Variants in LRP1B observed in about 807,000 individuals in gnomAD.
LRP1B encodes the protein LDL receptor related protein 1B.
A neutral mutation model predicts 556.6 loss-of-function variants in LRP1B; 217 were observed. The observed-to-expected ratio is 0.39, with a 90% CI of 0.35 to 0.44. LRP1B has a LOEUF of 0.44. LRP1B is among the 20% of genes least tolerant of loss of function. The pLI is 1.00. For synonymous variants in LRP1B, 2,047 were observed against 1,865.8 expected (o/e 1.10, Z -2.50); for missense variants, 5,053 against 5,620.8 (o/e 0.90, Z 3.23).
At chr2:142,127,442 A>C (rs13392919) in intron 1 of LRP1B, among the ~76,000 whole-genome samples, 13,132 of 151,732 alleles carry the variant, frequency 0.087, 656 homozygotes, top group Non-Finnish European at 0.11. Flanking sequence ...GCTTTCTCTT[A>C]ACTCCATTTT....
At chr2:141,617,668 C>T (rs62166514) in intron 2 of LRP1B, among the ~76,000 whole-genome samples, 2 of 152,090 alleles carry the variant, frequency 1.3e-5, no homozygotes, top group African/African-American at 4.8e-5. Context: ...CAAAGCAAAT[C>T]TTTCTACAAT....
intron 1 of LRP1B, among the ~76,000 whole-genome samples, chr2:142,086,529 C>T (rs1466753178): frequency 6.6e-6 from 1 of 151,674 alleles, no homozygotes; most frequent in African/African-American, 2.4e-5. Flanking sequence ...CGTTTGAACC[C>T]GGGAGGCGGG....
intron 1 of LRP1B, among the ~76,000 whole-genome samples, chr2:142,056,004 A>G (rs1048757856): frequency 5.9e-5 from 9 of 152,126 alleles, no homozygotes; most frequent in Non-Finnish European, 1.0e-4. Flanking sequence ...TACAAAAATT[A>G]GCTGGGCGTG....
In LRP1B at chr2:140,781,046, G is replaced by A. The variant is rs940715390; in HGVS notation, c.5360-4808C>T. On this transcript the variant is annotated intron_variant, in intron 32 of 90. Coordinates refer to ENST00000389484, the MANE Select transcript of LRP1B (RefSeq NM_018557.3). ...TGGGTGGGTAGGGCTTCTAAGAGTA[G>A]CACAAAACCACACTCTGTTCACACA... Among the ~76,000 whole-genome samples the A allele has an allele frequency of 3.9e-5, 6 of 152,148 alleles. No homozygotes were observed. In the South Asian group the frequency reaches 8.3e-4, roughly 21 times the overall value.
chr2:141,120,699 G>T, intron 7 of LRP1B, among the ~76,000 whole-genome samples: 1 of 151,802 alleles, frequency 6.6e-6, no homozygotes, highest in East Asian at 1.9e-4. Flanking sequence ...TCTAAAGTAG[G>T]TCTAACATTT....
At chr2:140,241,236 G>T (rs1275558670) in intron 87 of LRP1B, among the ~76,000 whole-genome samples, 2 of 150,864 alleles carry the variant, frequency 1.3e-5, no homozygotes, top group Admixed American at 6.6e-5. Context: ...TAATGAAAGA[G>T]AATCTGGCAG....
chr2:140,756,270 C>A (rs777897672), intron 35 of LRP1B, among the ~76,000 whole-genome samples: 4 of 152,004 alleles, frequency 2.6e-5, no homozygotes, highest in Non-Finnish European at 5.9e-5. Context: ...TTGTTTTCTA[C>A]AGCTTCCTCA....
At chr2:141,213,055 A>C (rs1682636741) in intron 6 of LRP1B, among the ~76,000 whole-genome samples, 1 of 151,466 alleles carries the variant, frequency 6.6e-6, no homozygotes, top group Non-Finnish European at 1.5e-5. Context: ...CAGCCTCAAC[A>C]TCCCTGGCTC....
intron 2 of LRP1B, among the ~76,000 whole-genome samples, chr2:141,529,757 C>T (rs1684807301): frequency 6.6e-6 from 1 of 152,094 alleles, no homozygotes; most frequent in Non-Finnish European, 1.5e-5. Context: ...AAAAACTTCT[C>T]TACATAAAGG....
chr2:142,025,240 T>C (rs1703465656), intron 1 of LRP1B, among the ~76,000 whole-genome samples: 3 of 152,164 alleles, frequency 2.0e-5, no homozygotes, highest in Admixed American at 2.0e-4. Flanking sequence ...TATTTCAATC[T>C]GTAGTTGTAT....
chr2:140,925,217 G>A (rs1694852543), intron 20 of LRP1B, among the ~76,000 whole-genome samples: 2 of 152,086 alleles, frequency 1.3e-5, no homozygotes, highest in South Asian at 2.1e-4. Flanking sequence ...TGTATATGGA[G>A]GAATGACTGT....
At chr2:140,838,993 G>A (rs2105092806) in intron 31 of LRP1B, among the ~76,000 whole-genome samples, 1 of 152,234 alleles carries the variant, frequency 6.6e-6, no homozygotes, top group African/African-American at 2.4e-5. Flanking sequence ...CGTTATAGCT[G>A]ATGATTTGCA....
At chr2:140,982,708 G>A (rs995902059) in intron 17 of LRP1B, among the ~76,000 whole-genome samples, 1 of 152,148 alleles carries the variant, frequency 6.6e-6, no homozygotes, top group Non-Finnish European at 1.5e-5. Flanking sequence ...ATTTGGAGAC[G>A]ATCTCAGGAT....
At chr2:141,974,142 T>C (rs1446697399) in intron 1 of LRP1B, among the ~76,000 whole-genome samples, 1 of 151,980 alleles carries the variant, frequency 6.6e-6, no homozygotes, top group Admixed American at 6.6e-5. Context: ...CCTTTATAAT[T>C]AGGAGCTTCC....
chr2:141,118,515 T>C (rs2104988976), intron 7 of LRP1B, among the ~76,000 whole-genome samples: 1 of 152,094 alleles, frequency 6.6e-6, no homozygotes, highest in African/African-American at 2.4e-5. Context: ...CTATGGACCA[T>C]ATGAAATGTA....
At chr2:141,700,681 A>G (rs1200895027) in intron 2 of LRP1B, among the ~76,000 whole-genome samples, 4 of 151,738 alleles carry the variant, frequency 2.6e-5, no homozygotes, top group Non-Finnish European at 5.9e-5. Flanking sequence ...AAGGTGAGTC[A>G]TAGAAACCAG....
Position 142,091,827 on chromosome 2 carries a change from T to C in LRP1B, c.82+38821A>G, listed in dbSNP as rs1044762154. ...CCTCTCTTGCAGCTACGGATGAGCA[T>C]GTGACCCAATTTTGATCAATGGAAT... is the stretch of plus-strand genomic sequence containing the variant. On this transcript the variant is annotated intron_variant, in intron 1 of 90. Coordinates refer to ENST00000389484, the MANE Select transcript of LRP1B (RefSeq NM_018557.3). 2.0e-5 allele frequency among the ~76,000 whole-genome samples: 3 copies of C among 152,330 alleles called. No homozygotes were observed. The East Asian group carries it at 5.8e-4, about 29-fold the overall frequency.
At chr2:141,478,775 C>T (rs527941943) in intron 3 of LRP1B, among the ~76,000 whole-genome samples, 6 of 152,144 alleles carry the variant, frequency 3.9e-5, no homozygotes, top group South Asian at 2.1e-4. Context: ...GAACTCCTGA[C>T]GTCAGGTGAT....
At chr2:141,671,533 A>T (rs1357977724) in intron 2 of LRP1B, among the ~76,000 whole-genome samples, 2 of 152,180 alleles carry the variant, frequency 1.3e-5, no homozygotes, top group Non-Finnish European at 2.9e-5. Flanking sequence ...GGGTGTGTTT[A>T]TACCTGACAA....
Sources: allele counts gnomAD v4.1 joint callset (sites outside exome capture counted in the v4.1 genomes callset), GRCh38; gene constraint gnomAD v4.1.1; transcripts MANE v1.5; gene names NCBI Gene and HGNC (gene_info 2026-07-23, HGNC 2026-07-21).